Variants in SLC35F3 observed in about 807,000 individuals in gnomAD.
SLC35F3 encodes the protein putative thiamine transporter SLC35F3.
A neutral mutation model predicts 49.9 loss-of-function variants in SLC35F3; 25 were observed. The observed-to-expected ratio is 0.50, with a 90% confidence interval of 0.37 to 0.70. The LOEUF is 0.70. SLC35F3 is among the 30% of genes least tolerant of loss of function. The pLI, the probability that SLC35F3 is intolerant of heterozygous loss-of-function variation, is 0.00. For missense variants in SLC35F3, 525 were observed against 639.8 expected (o/e 0.82, Z 1.94); for synonymous variants, 275 against 265.4 (o/e 1.04, Z -0.35).
In SLC35F3 at chr1:233,905,687, C is replaced by G; in HGVS notation, c.212C>G (p.Thr71Arg). The part of the protein sequence containing the change: ...EDLTSGPVGL[T>R]SIEERILRIT... ...CTCACCAGCGGGCCGGTGGGGCTCA[C>G]GTCCATCGAGGAGCGGATCCTGCGC... The change falls in exon 2 of 8, where the codon ACG (threonine) becomes AGG (arginine). Residue 71 changes from threonine (T) to arginine (R), a missense_variant. Thr to Arg is a moderately conservative substitution (Grantham distance 71). Around this residue, in one of 4 missense-constraint regions of SLC35F3, gnomAD observed 228 missense variants for 218.9 expected, o/e 1.04. Coordinates refer to ENST00000366618, the MANE Select transcript of SLC35F3 (RefSeq NM_173508.4). The G allele has an allele frequency of 1.2e-6, 2 of 1,614,196 alleles. No homozygotes were observed. Among genetic ancestry groups the G allele is most frequent in the Non-Finnish European group, 1.7e-6 (2 of 1,180,040 alleles).
rs193038709 is a variant in SLC35F3 at position 234,271,266 on chromosome 1, C to G, written c.609-37835C>G. ...TACGTAGGTTTATTCCTATTGTTGT[C>G]ATGAGGGTCCGAGAAGGCACAAGAA... On this transcript the variant is annotated intron_variant, in intron 3 of 7. Coordinates refer to ENST00000366618, the MANE Select transcript of SLC35F3 (RefSeq NM_173508.4). 2.8e-4 allele frequency among the ~76,000 whole-genome samples: 42 copies of G among 152,272 alleles called. 1 individual carries two copies. The highest frequency in any genetic ancestry group is 3.9e-4 in the East Asian group (2 of 5,182).
At chr1:234,076,689 G>A (rs1273183263) in intron 2 of SLC35F3, among the ~76,000 whole-genome samples, 3 of 152,068 alleles carry the variant, frequency 2.0e-5, no homozygotes, top group African/African-American at 7.2e-5. Flanking sequence ...TCGAACTCAT[G>A]ACCTCAGGTG....
At chr1:233,913,452 C>T (rs1028969572) in intron 2 of SLC35F3, among the ~76,000 whole-genome samples, 4 of 152,172 alleles carry the variant, frequency 2.6e-5, no homozygotes, top group Admixed American at 6.5e-5. Context: ...TACATAGTCA[C>T]GACTAGTTTA....
chr1:233,949,806 G>A (rs1189043867), intron 2 of SLC35F3, among the ~76,000 whole-genome samples: 1 of 152,040 alleles, frequency 6.6e-6, no homozygotes, highest in Non-Finnish European at 1.5e-5. Context: ...AGACATCAGG[G>A]AACCCAAGCT....
chr1:233,962,311 A>G (rs2102812059), intron 2 of SLC35F3, among the ~76,000 whole-genome samples: 1 of 152,342 alleles, frequency 6.6e-6, no homozygotes, highest in Admixed American at 6.5e-5. Context: ...AATAGTTGCA[A>G]TGTATATACT....
At chr1:233,980,292 G>C (rs894980561) in intron 2 of SLC35F3, among the ~76,000 whole-genome samples, 4 of 152,200 alleles carry the variant, frequency 2.6e-5, no homozygotes, top group African/African-American at 9.7e-5. Context: ...CAAGCAGCCT[G>C]GCTCTCAAAA....
chr1:234,283,399 T>C (rs904543534), intron 3 of SLC35F3, among the ~76,000 whole-genome samples: 2 of 152,226 alleles, frequency 1.3e-5, no homozygotes, highest in African/African-American at 4.8e-5. Context: ...CATCCACAAG[T>C]AACTAAGAAT....
At chr1:234,128,241 G>A (rs1275591813) in intron 2 of SLC35F3, among the ~76,000 whole-genome samples, 4 of 133,576 alleles carry the variant, frequency 3.0e-5, no homozygotes, top group Non-Finnish European at 7.0e-5. Flanking sequence ...TCTGGGGCAT[G>A]TTTTGATTTG....
intron 3 of SLC35F3, among the ~76,000 whole-genome samples, chr1:234,235,436 G>A (rs974132090): frequency 7.2e-4 from 110 of 152,240 alleles, no homozygotes; most frequent in African/African-American, 2.7e-3. Context: ...GGAAGTGGCT[G>A]TATCAGGTCT....
rs114670591 is a variant in SLC35F3, at chr1:234,158,665, C to T, written c.284-72752C>T. ...ATTCTTCTGGTTTAATATTTGCATACCTTCATGATTTCCCTAGTATCAACT... is the reference window on the plus strand; with the variant it reads ...ATTCTTCTGGTTTAATATTTGCATATCTTCATGATTTCCCTAGTATCAACT... On this transcript the variant is annotated intron_variant, in intron 2 of 7. Coordinates refer to ENST00000366618, the MANE Select transcript of SLC35F3 (RefSeq NM_173508.4). 2.1e-3 allele frequency among the ~76,000 whole-genome samples: 318 copies of T among 152,228 alleles called. 1 individual carries two copies. The highest frequency in any genetic ancestry group is 7.0e-3 in the African/African-American group (291 of 41,540).
intron 2 of SLC35F3, among the ~76,000 whole-genome samples, chr1:234,162,023 G>T (rs6586375): frequency 1.3e-5 from 2 of 151,938 alleles, no homozygotes; most frequent in Non-Finnish European, 2.9e-5. Context: ...TGCCACCCAG[G>T]TCTAATCGAC....
rs562086866 is a variant in SLC35F3, at chr1:234,239,562, T to G, written c.608+7821T>G. Among the ~76,000 whole-genome samples the G allele has an allele frequency of 4.6e-5, 7 of 152,340 alleles. No homozygotes were observed. The East Asian group carries it at 1.3e-3, about 29-fold the overall frequency. ...TGATCCAACTTATTCATATTATCAA[T>G]GAGTCCAGAGATGCTCAGAGAAAGG... On this transcript the variant is annotated intron_variant, in intron 3 of 7. Coordinates refer to ENST00000366618, the MANE Select transcript of SLC35F3 (RefSeq NM_173508.4).
At chr1:233,914,175 T>C (rs1254411067) in intron 2 of SLC35F3, among the ~76,000 whole-genome samples, 4 of 151,854 alleles carry the variant, frequency 2.6e-5, no homozygotes, top group Admixed American at 2.6e-4. Context: ...TCCTGATCCA[T>C]GCTAACTCAC....
chr1:234,116,220 G>A (rs10910343), intron 2 of SLC35F3, among the ~76,000 whole-genome samples: 54,810 of 151,932 alleles, frequency 0.36, 11,335 homozygotes, highest in East Asian at 0.82. Flanking sequence ...GAGCAAAAGG[G>A]AAAGCAATTC....
At chr1:233,971,937 C>G (rs1663000802) in intron 2 of SLC35F3, among the ~76,000 whole-genome samples, 2 of 152,364 alleles carry the variant, frequency 1.3e-5, no homozygotes, top group East Asian at 3.9e-4. Flanking sequence ...TGCCCGAGAG[C>G]TCAGCCTACA....
At chr1:234,086,454 G>A (rs529395468) in intron 2 of SLC35F3, among the ~76,000 whole-genome samples, 4 of 152,260 alleles carry the variant, frequency 2.6e-5, no homozygotes, top group East Asian at 3.9e-4. Flanking sequence ...GAACATGTCT[G>A]TATTTTAAAA....
intron 2 of SLC35F3, among the ~76,000 whole-genome samples, chr1:234,227,545 C>T (rs967419413): frequency 3.3e-5 from 5 of 151,948 alleles, no homozygotes; most frequent in Non-Finnish European, 1.5e-5. Context: ...ACTACAGGTG[C>T]CCACCACCAC....
At chr1:234,182,771 G>A (rs1666582735) in intron 2 of SLC35F3, among the ~76,000 whole-genome samples, 1 of 152,130 alleles carries the variant, frequency 6.6e-6, no homozygotes, top group Non-Finnish European at 1.5e-5. Flanking sequence ...TTTGATAAAT[G>A]AGAAATCATA....
At chr1:233,980,105 C>A (rs1304926281) in intron 2 of SLC35F3, among the ~76,000 whole-genome samples, 2 of 152,236 alleles carry the variant, frequency 1.3e-5, no homozygotes, top group East Asian at 3.9e-4. Flanking sequence ...GCAACCATTT[C>A]TTTTAATCTT....
Sources: allele counts gnomAD v4.1 joint callset (sites outside exome capture counted in the v4.1 genomes callset), GRCh38; gene constraint gnomAD v4.1.1; regional missense constraint gnomAD v4.1.1; transcripts MANE v1.5; gene names NCBI Gene and HGNC (gene_info 2026-07-23, HGNC 2026-07-21).